ANKLE2: variants seen among roughly 807,000 people sequenced by gnomAD.
ANKLE2 encodes ankyrin repeat and LEM domain-containing protein 2.
Under a neutral mutation model 84.2 loss-of-function variants are expected in ANKLE2, and 55 were observed. That is an observed-to-expected ratio of 0.65 (90% CI 0.53 to 0.82). The LOEUF (loss-of-function observed/expected upper bound fraction) is 0.82, where lower values mean the gene tolerates loss of function less well. Ranked by LOEUF, ANKLE2 falls within the 40% of genes least tolerant of loss-of-function variation. The pLI is 0.00. For synonymous variants in ANKLE2, 551 were observed against 486.1 expected (o/e 1.13, Z -1.76); for missense variants, 1,238 against 1,201.9 (o/e 1.03, Z -0.44).
rs962933045 is a variant in ANKLE2, at chr12:132,730,488, C to T, written c.1892-218G>A. 3.2e-5 allele frequency: 17 copies of T among 534,522 alleles called. No homozygotes were observed. In the Admixed American group the frequency reaches 4.2e-4, roughly 13 times the overall value. 33.1% of individuals were successfully genotyped at this position (534,522 alleles called of 1,614,324 possible). A position where few individuals can be genotyped will look rare whatever the true frequency, so the allele number is the denominator to read the frequency against. On this transcript the variant is annotated intron_variant, in intron 10 of 12. Coordinates refer to ENST00000357997, the MANE Select transcript of ANKLE2 (RefSeq NM_015114.3). ...ATTTCAGGATGGAAAACCACCCACA[C>T]GACTCCCTGGAAAAGGGCAAACAGG...
intron 9 of ANKLE2, 172 bp downstream of exon 9, chr12:132,735,234 A>T: frequency 1.5e-6 from 1 of 646,372 alleles, no homozygotes; most frequent in South Asian, 1.8e-5. Context: ...GGACTGGCTT[A>T]AGCTAGAATT....
In ANKLE2 at chr12:132,743,769, G is replaced by A. The variant is rs778907816; in HGVS notation, c.1231-493C>T. On this transcript the variant is annotated intron_variant, in intron 5 of 12. Coordinates refer to ENST00000357997, the MANE Select transcript of ANKLE2 (RefSeq NM_015114.3). The surrounding 1 kb of genome is among the most constrained non-coding windows in gnomAD (Gnocchi z 4.1). Reference sequence around the variant, plus strand: ...CACTTCGTGCCAAGGCTTGAGCTTAGCATACTGACCTGGGTGCCCAGACCC... The same window carrying A: ...CACTTCGTGCCAAGGCTTGAGCTTAACATACTGACCTGGGTGCCCAGACCC... Among the ~76,000 whole-genome samples the A allele has an allele frequency of 6.6e-6, 1 of 152,134 alleles. No individual in the cohort carries two copies. The highest frequency in any genetic ancestry group is 1.5e-5 in the Non-Finnish European group (1 of 68,020).
intron 1 of ANKLE2, chr12:132,757,646 C>T (rs893664805): frequency 1.3e-5 from 2 of 152,164 alleles, no homozygotes; most frequent in Admixed American, 6.5e-5. Flanking sequence ...CACGGTGAAA[C>T]CCTGTCTCTA....
intron 7 of ANKLE2, chr12:132,737,894 C>T (rs927189940): frequency 1.3e-5 from 2 of 152,030 alleles, no homozygotes; most frequent in African/African-American, 2.4e-5. Context: ...TAGCTGGGAC[C>T]ACAGGCATGC....
At chr12:132,737,320 A>C in intron 7 of ANKLE2, 1 of 418,230 alleles carries the variant, frequency 2.4e-6, no homozygotes, top group Non-Finnish European at 4.3e-6. Context: ...AAGAAAAGAA[A>C]GAAAAGAAAA....
At position 132,736,963 on chromosome 12, in the gene ANKLE2, C is replaced by A; in HGVS notation, c.1523G>T (p.Arg508Leu). The A allele has an allele frequency of 6.2e-7, 1 of 1,613,886 alleles. No homozygotes were observed. Among genetic ancestry groups the A allele is most frequent in the Non-Finnish European group, 8.5e-7 (1 of 1,179,896 alleles). ...CGGGTCTCTGGGGCTGCCTCCATAG[C>A]GGCTGACGTGAGAGGCCTCAGCCGT... ...DQTAEASHVS[R>L]YGGSPRDPVL... is the part of the protein sequence containing the mutation. The change falls in exon 8 of 13, where the codon CGC becomes CTC. Residue 508 changes from arginine to leucine, a missense_variant. Physicochemically the swap from Arg to Leu is moderately radical, Grantham distance 102 (BLOSUM62 -2). Around this residue, in one of 3 missense-constraint regions of ANKLE2, gnomAD observed 802 missense variants for 774.5 expected, o/e 1.04. Coordinates refer to ENST00000357997, the MANE Select transcript of ANKLE2 (RefSeq NM_015114.3).
chr12:132,750,212 A>AG (rs200961299), intron 3 of ANKLE2, among the ~76,000 whole-genome samples: 3,657 of 150,034 alleles, frequency 0.024, 183 homozygotes, highest in African/African-American at 0.084. Flanking sequence ...CTCAAAAAAA[A>AG]AAAAAAAAAA....
In ANKLE2 at chr12:132,748,598, G is replaced by A. The variant is rs3924364; in HGVS notation, c.848-267C>T. 0.34 allele frequency among the ~76,000 whole-genome samples: 51,432 copies of A among 151,970 alleles called. 9,052 individuals carry two copies. The highest frequency in any genetic ancestry group is 0.39 in the Non-Finnish European group (26,563 of 67,922). On this transcript the variant is annotated intron_variant, in intron 3 of 12. Coordinates refer to ENST00000357997, the MANE Select transcript of ANKLE2 (RefSeq NM_015114.3). Reference sequence around the variant, plus strand: ...CTCACTGGGGGCCCCAGCCTACAACGGCAGCCAGCGCGCCCCCATGAGCAC... The same window carrying A: ...CTCACTGGGGGCCCCAGCCTACAACAGCAGCCAGCGCGCCCCCATGAGCAC...
chr12:132,748,472 A>G, intron 3 of ANKLE2, 141 bp from the exon 4 acceptor site: 1 of 902,178 alleles, frequency 1.1e-6, no homozygotes, highest in Non-Finnish European at 1.7e-6. Context: ...AAAGACGAGA[A>G]GGGCCCACGG....
rs1229278926 is a variant in ANKLE2 at position 132,727,425 on chromosome 12, C to G, written c.2634G>C (p.Val878=). The G allele has an allele frequency of 8.3e-6, 13 of 1,557,000 alleles. No homozygotes were observed. Among genetic ancestry groups the G allele is most frequent in the Non-Finnish European group, 1.1e-5 (13 of 1,150,270 alleles). Residue 878 remains valine (V), a synonymous_variant, in exon 13 of 13, where the codon GTG becomes GTC. Coordinates refer to ENST00000357997, the MANE Select transcript of ANKLE2 (RefSeq NM_015114.3). The part of the protein sequence containing the change: ...SDRQSWPSPA[V]KGRFKSQLPD... ...GCAGCTGAGACTTGAACCTTCCTTT[C>G]ACCGCGGGACTGGGCCAACTGCGGA...
chr12:132,756,144 C>G (rs1335253791), intron 1 of ANKLE2: 1 of 151,924 alleles, frequency 6.6e-6, no homozygotes, highest in Non-Finnish European at 1.5e-5. Flanking sequence ...GGGAGGCAGG[C>G]AGATCACCTG....
In ANKLE2 at chr12:132,739,941, CA is replaced by C. The variant is rs1465758741; in HGVS notation, c.1420+1477del. Among the ~76,000 whole-genome samples the C allele has an allele frequency of 2.0e-5, 3 of 152,226 alleles. No homozygotes were observed. The East Asian group carries it at 5.8e-4, about 29-fold the overall frequency. ...TCTCACAGAGCTGCCTTCTCCTCAGCAAACAGCTGCTGGGGCAGATCTTAGA... is the reference window on the plus strand; with the variant it reads ...TCTCACAGAGCTGCCTTCTCCTCAGCAACAGCTGCTGGGGCAGATCTTAGA... On this transcript the variant is annotated intron_variant, in intron 7 of 12. Coordinates refer to ENST00000357997, the MANE Select transcript of ANKLE2 (RefSeq NM_015114.3).
At position 132,754,799 on chromosome 12, in the gene ANKLE2, T is replaced by C. The variant is rs2044440647; in HGVS notation, c.516A>G (p.Thr172=). The C allele has an allele frequency of 6.2e-7, 1 of 1,614,190 alleles. No individual in the cohort carries two copies. The highest frequency in any genetic ancestry group is 1.1e-5 in the South Asian group (1 of 91,088). The stretch of plus-strand genomic sequence containing the variant: ...TAGGGGGCACCGAGCAGGTCTTGGA[T>C]GTCACAGCTTCCTCCTCTGGAGGAT... ...GLNPPEEEAV[T]SKTCSVPPSD... Residue 172 remains threonine, a synonymous_variant, in exon 2 of 13, where the codon ACA becomes ACG. Coordinates refer to ENST00000357997, the MANE Select transcript of ANKLE2 (RefSeq NM_015114.3).
intron 6 of ANKLE2, among the ~76,000 whole-genome samples, chr12:132,742,950 G>C (rs1391611411): frequency 6.6e-6 from 1 of 152,114 alleles, no homozygotes; most frequent in Non-Finnish European, 1.5e-5. Flanking sequence ...AACTGCGTCA[G>C]TTCCTTCCCT....
intron 3 of ANKLE2, among the ~76,000 whole-genome samples, chr12:132,749,329 T>C (rs2044308274): frequency 6.6e-6 from 1 of 151,844 alleles, no homozygotes; most frequent in African/African-American, 2.4e-5. Flanking sequence ...CTAATTTTCG[T>C]ATTTTTAATA....
chr12:132,725,972 T>A lies in ANKLE2; in HGVS notation c.*1270A>T, dbSNP rs1021862012. 4 of 152,170 alleles carry A rather than the reference T, an allele frequency of 2.6e-5. No individual in the cohort carries two copies. The highest frequency in any genetic ancestry group is 7.2e-5 in the African/African-American group (3 of 41,404). 9.4% of individuals were successfully genotyped at this position (152,170 alleles called of 1,614,324 possible). ...CATATGAAAGAAAGAAGCCTTTTTTTAAAACAAAGTTTCAATTCAGAATTT... is the reference window on the plus strand; with the variant it reads ...CATATGAAAGAAAGAAGCCTTTTTTAAAAACAAAGTTTCAATTCAGAATTT... On this transcript the variant is annotated 3_prime_UTR_variant, in exon 13 of 13. Coordinates refer to ENST00000357997, the MANE Select transcript of ANKLE2 (RefSeq NM_015114.3).
intron 7 of ANKLE2, 163 bp from the exon 8 acceptor site, chr12:132,737,228 C>T (rs1010828487): frequency 2.1e-5 from 13 of 606,526 alleles, no homozygotes; most frequent in African/African-American, 1.9e-4. Context: ...GCACTTAATG[C>T]AAATGGATAC....
chr12:132,743,059 C>T lies in ANKLE2; in HGVS notation c.1353+95G>A. ...AAGCAAACACAACTCATACAGAGCT[C>T]CTTGTGGCTTCCCTGTGCCTGTGAT... is the stretch of plus-strand genomic sequence containing the variant. On this transcript the variant is annotated intron_variant, in intron 6 of 12. Coordinates refer to ENST00000357997, the MANE Select transcript of ANKLE2 (RefSeq NM_015114.3). The surrounding 1 kb of genome is among the most constrained non-coding windows in gnomAD (Gnocchi z 4.1). The T allele has an allele frequency of 8.1e-7, 1 of 1,236,226 alleles. No homozygotes were observed. The highest frequency in any genetic ancestry group is 1.1e-6 in the Non-Finnish European group (1 of 910,536). The allele number at this position is 1,236,226 out of a possible 1,614,324, so 76.6% of individuals were successfully genotyped here.
At chr12:132,733,450 T>C (rs952168925) in intron 10 of ANKLE2, among the ~76,000 whole-genome samples, 2 of 148,356 alleles carry the variant, frequency 1.3e-5, no homozygotes, top group Admixed American at 1.3e-4. Context: ...CTCTGCGTGC[T>C]GGTGTCTGAT....
Sources: gnomAD v4.1 joint callset for allele counts (sites outside exome capture counted in the v4.1 genomes callset) on GRCh38, gnomAD v4.1.1 for gene constraint, gnomAD v4.1.1 regional missense constraint, Gnocchi (gnomAD v3.1) non-coding constraint, MANE v1.5 for transcripts, NCBI Gene and HGNC (gene_info 2026-07-23, HGNC 2026-07-21) for gene names.